The following TENM3 variants were observed in gnomAD, a reference collection of about 807,000 sequenced individuals.
The protein encoded by TENM3 is teneurin-3.
Under a neutral mutation model 255.1 loss-of-function variants are expected in TENM3, and 63 were observed. That is an observed-to-expected ratio of 0.25 (90% CI 0.20 to 0.30). TENM3 has a LOEUF of 0.30. TENM3 is among the 10% of genes least tolerant of loss of function. TENM3 has a pLI of 1.00. For synonymous variants in TENM3, 1,306 were observed against 1,322.3 expected, an observed-to-expected ratio of 0.99 and a Z score of 0.27; for missense variants, 2,929 against 3,461.1, an observed-to-expected ratio of 0.85 and a Z score of 3.86.
At chr4:181,908,198 T>C in the TENM3 span, among the ~76,000 whole-genome samples, 1 of 152,224 alleles carries the variant, frequency 6.6e-6, no homozygotes, top group Non-Finnish European at 1.5e-5. Context: ...AAAAGCAGTT[T>C]TGAAAATTCA....
the TENM3 span, among the ~76,000 whole-genome samples, chr4:181,721,039 G>A: frequency 2.2e-3 from 342 of 152,060 alleles, no homozygotes; most frequent in African/African-American, 7.8e-3. Flanking sequence ...CAGAGTCAGG[G>A]ACAGCGTCTC....
intron 3 of TENM3, among the ~76,000 whole-genome samples, chr4:182,357,202 G>A (rs1765614045): frequency 6.6e-6 from 1 of 151,922 alleles, no homozygotes; most frequent in African/African-American, 2.4e-5. Flanking sequence ...CTTTATAGCA[G>A]CATGATTTAT....
Position 182,701,210 on chromosome 4 carries a change from CTTTTTTTT to C in TENM3, c.2222-12856_2222-12849del, listed in dbSNP as rs35538818. Among the ~76,000 whole-genome samples, 10 of 38,668 alleles carry C rather than the reference CTTTTTTTT, an allele frequency of 2.6e-4. 1 individual carries two copies. Among genetic ancestry groups the C allele is most frequent in the East Asian group, 6.5e-4 (1 of 1,530 alleles). 25.4% of individuals were successfully genotyped at this position (38,668 alleles called of 152,430 possible). A position where few individuals can be genotyped will look rare whatever the true frequency, so the allele number is the denominator to read the frequency against. ...TTTTCACATACAGTCCAACTCTTGACTTTTTTTTTTTTTTTTTTTTTTTTTTTTGAGAC... is the reference window on the plus strand; with the variant it reads ...TTTTCACATACAGTCCAACTCTTGACTTTTTTTTTTTTTTTTTTTTGAGAC... On this transcript the variant is annotated intron_variant, in intron 12 of 27. Coordinates refer to ENST00000511685, the MANE Select transcript of TENM3 (RefSeq NM_001080477.4).
Position 182,681,795 on chromosome 4 carries a change from G to A in TENM3, c.1835-19G>A, listed in dbSNP as rs746072243. The A allele has an allele frequency of 3.2e-6, 5 of 1,580,602 alleles. No individual in the cohort carries two copies. Among genetic ancestry groups the A allele is most frequent in the South Asian group, 2.3e-5 (2 of 88,016 alleles). On this transcript the variant is annotated intron_variant, in intron 10 of 27. Transcript: ENST00000511685. ...GATATCTTCTGGATTTAATAAAATT[G>A]TTCTTTTCTTTACACCAGCTGACTG...
chr4:181,913,417 G>A, the TENM3 span, among the ~76,000 whole-genome samples: 1 of 152,204 alleles, frequency 6.6e-6, no homozygotes, highest in Non-Finnish European at 1.5e-5. Flanking sequence ...TCTTGCGGAT[G>A]GAGCAATGGC....
the TENM3 span, among the ~76,000 whole-genome samples, chr4:182,014,183 T>G: frequency 6.7e-6 from 1 of 148,764 alleles, no homozygotes; most frequent in Non-Finnish European, 1.5e-5. Context: ...TATATATATG[T>G]GTGTGTATAT....
chr4:181,500,406 T>G, the TENM3 span, among the ~76,000 whole-genome samples: 1 of 151,860 alleles, frequency 6.6e-6, no homozygotes, highest in Non-Finnish European at 1.5e-5. Flanking sequence ...TGGGGGAGGC[T>G]GGACACAGGG....
chr4:182,263,218 C>T (rs919665708), intron 1 of TENM3, among the ~76,000 whole-genome samples: 1 of 152,032 alleles, frequency 6.6e-6, no homozygotes, highest in Non-Finnish European at 1.5e-5. Flanking sequence ...AGAGAAGACC[C>T]CCGACCCAAA....
At chr4:182,190,718 C>A (rs1450146) in intron 1 of TENM3, among the ~76,000 whole-genome samples, 123,467 of 152,128 alleles carry the variant, frequency 0.81, 50,707 homozygotes, top group African/African-American at 0.91. Context: ...TTATTGAAAA[C>A]AATTAAGGGC....
intron 1 of TENM3, among the ~76,000 whole-genome samples, chr4:182,237,279 C>G (rs992630254): frequency 1.3e-5 from 2 of 151,996 alleles, no homozygotes; most frequent in Non-Finnish European, 2.9e-5. Flanking sequence ...GATTCCATGT[C>G]TTTGCTATTG....
intron 3 of TENM3, among the ~76,000 whole-genome samples, chr4:182,594,682 T>TGG (rs1463203938): frequency 1.2e-4 from 14 of 118,318 alleles, no homozygotes; most frequent in African/African-American, 3.6e-4. Flanking sequence ...TTTTTTGTTT[T>TGG]GGTGTGTGTG....
chr4:181,771,000 A>G, the TENM3 span, among the ~76,000 whole-genome samples: 1 of 152,186 alleles, frequency 6.6e-6, no homozygotes, highest in African/African-American at 2.4e-5. Context: ...ACCAACTAAG[A>G]AACTTGGCCA....
Position 182,596,087 on chromosome 4 carries a change from T to C in TENM3, c.512-4837T>C, listed in dbSNP as rs547598777. Among the ~76,000 whole-genome samples the C allele has an allele frequency of 5.9e-5, 9 of 152,308 alleles. No individual in the cohort carries two copies. In the South Asian group the frequency reaches 1.9e-3, roughly 32 times the overall value. The stretch of plus-strand genomic sequence containing the variant: ...ATGTCATCAATCAATCAGCACATTT[T>C]TGGGAGTCCTTGAAGTACGTGCTTA... On this transcript the variant is annotated intron_variant, in intron 3 of 27. Coordinates refer to ENST00000511685, the MANE Select transcript of TENM3 (RefSeq NM_001080477.4).
At chr4:182,118,977 G>T in the TENM3 span, among the ~76,000 whole-genome samples, 2 of 152,126 alleles carry the variant, frequency 1.3e-5, no homozygotes, top group Admixed American at 6.5e-5. Flanking sequence ...TTAGCGATGT[G>T]GTGGTCAGGT....
intron 1 of TENM3, among the ~76,000 whole-genome samples, chr4:182,235,412 C>T (rs999056554): frequency 2.6e-5 from 4 of 152,170 alleles, no homozygotes; most frequent in Admixed American, 1.3e-4. Context: ...AAGACTGTAG[C>T]GTGCAATCTC....
chr4:182,133,774 T>C, the TENM3 span, among the ~76,000 whole-genome samples: 1 of 152,228 alleles, frequency 6.6e-6, no homozygotes, highest in Non-Finnish European at 1.5e-5. Flanking sequence ...ACTGTGTCAG[T>C]TCTGAAAATA....
intron 3 of TENM3, among the ~76,000 whole-genome samples, chr4:182,405,117 A>T (rs1561412573): frequency 6.6e-6 from 1 of 152,182 alleles, no homozygotes; most frequent in Non-Finnish European, 1.5e-5. Flanking sequence ...GAAAGGTATT[A>T]GGCGTCATTA....
chr4:182,207,091 A>T (rs1754634977), intron 1 of TENM3, among the ~76,000 whole-genome samples: 1 of 152,202 alleles, frequency 6.6e-6, no homozygotes, highest in Admixed American at 6.5e-5. Context: ...AGGGCAAATT[A>T]AGAAAGCTAC....
the TENM3 span, among the ~76,000 whole-genome samples, chr4:181,940,775 C>G: frequency 5.3e-5 from 8 of 152,176 alleles, no homozygotes. Context: ...CATGGCATAT[C>G]TCTTCTTCTG....
Sources: allele counts gnomAD v4.1 joint callset (sites outside exome capture counted in the v4.1 genomes callset), GRCh38; gene constraint gnomAD v4.1.1; transcripts MANE v1.5; gene names NCBI Gene and HGNC (gene_info 2026-07-23, HGNC 2026-07-21).